AFG3L2: variants seen among roughly 807,000 people sequenced by gnomAD.
The protein encoded by AFG3L2 is AFG3 like matrix AAA peptidase subunit 2, also known as mitochondrial inner membrane m-AAA protease component AFG3L2.
Under a neutral mutation model 94.5 loss-of-function variants are expected in AFG3L2, and 54 were observed. The ratio of observed to expected loss-of-function variants is 0.57; its 90% CI spans 0.46 to 0.72. AFG3L2 has a LOEUF of 0.72. AFG3L2 is among the 30% of genes least tolerant of loss of function. The pLI is 0.00. For synonymous variants in AFG3L2, 377 were observed against 365.5 expected, an observed-to-expected ratio of 1.03 and a Z score of -0.36; for missense variants, 754 against 994.9, an observed-to-expected ratio of 0.76 and a Z score of 3.26.
rs118085375 is a variant in AFG3L2 at position 12,338,636 on chromosome 18, T to A, written c.1981-1101A>T. Reference sequence around the variant, plus strand: ...ATACAGTCAGAAAAGCTCCTAGACCTCCTCCCACCTAAGAGAGCAGCAGAA... The same window carrying A: ...ATACAGTCAGAAAAGCTCCTAGACCACCTCCCACCTAAGAGAGCAGCAGAA... On this transcript the variant is annotated intron_variant, in intron 15 of 16. Transcript: ENST00000269143. Among the ~76,000 whole-genome samples the A allele has an allele frequency of 8.2e-3, 1,250 of 151,876 alleles. 12 individuals are homozygous for A. The highest frequency in any genetic ancestry group is 0.012 in the African/African-American group (511 of 41,378).
chr18:12,347,619 C>T (rs1209736922), intron 13 of AFG3L2, among the ~76,000 whole-genome samples: 2 of 151,420 alleles, frequency 1.3e-5, no homozygotes, highest in Non-Finnish European at 1.5e-5. Context: ...GGCACGATCT[C>T]GGCTCACCAT....
At chr18:12,364,546 G>A (rs1908751356) in intron 5 of AFG3L2, among the ~76,000 whole-genome samples, 1 of 152,108 alleles carries the variant, frequency 6.6e-6, no homozygotes, top group African/African-American at 2.4e-5. Flanking sequence ...TTGCTCTATA[G>A]GACATAGCCT....
chr18:12,364,135 C>T (rs779582286), intron 5 of AFG3L2, among the ~76,000 whole-genome samples: 2 of 152,206 alleles, frequency 1.3e-5, no homozygotes, highest in Non-Finnish European at 2.9e-5. Context: ...TGCACATTCC[C>T]TTCTGCCTGT....
intron 6 of AFG3L2, among the ~76,000 whole-genome samples, chr18:12,362,953 A>T (rs9956171): frequency 6.6e-6 from 1 of 152,126 alleles, no homozygotes; most frequent in African/African-American, 2.4e-5. Flanking sequence ...CTGAGGATAA[A>T]GCACGGTTAT....
At chr18:12,345,077 G>A (rs1347748506) in intron 13 of AFG3L2, among the ~76,000 whole-genome samples, 1 of 152,216 alleles carries the variant, frequency 6.6e-6, no homozygotes, top group African/African-American at 2.4e-5. Flanking sequence ...CAGGCAGCCA[G>A]TTCAACACCC....
intron 9 of AFG3L2, among the ~76,000 whole-genome samples, chr18:12,353,916 C>T (rs1286119008): frequency 2.0e-5 from 3 of 152,166 alleles, no homozygotes; most frequent in Non-Finnish European, 2.9e-5. Flanking sequence ...CACACATATA[C>T]AGTGAAGCCA....
chr18:12,341,164 C>A (rs1907941424), intron 14 of AFG3L2: 1 of 152,192 alleles, frequency 6.6e-6, no homozygotes, highest in African/African-American at 2.4e-5. Context: ...TGCTGTCGGA[C>A]GTGGCCACAC....
At chr18:12,337,052 G>A in intron 16 of AFG3L2, 1 of 597,786 alleles carries the variant, frequency 1.7e-6, no homozygotes, top group South Asian at 2.1e-5. Context: ...GAACTATCTG[G>A]TGAGGGAGAG....
intron 9 of AFG3L2, among the ~76,000 whole-genome samples, chr18:12,355,595 T>C (rs1568141239): frequency 6.6e-6 from 1 of 152,084 alleles, no homozygotes; most frequent in South Asian, 2.1e-4. Flanking sequence ...AAACCACATA[T>C]TGTATAATTT....
intron 3 of AFG3L2, 104 bp from the exon 4 acceptor site, chr18:12,367,486 C>G: frequency 2.9e-6 from 3 of 1,029,610 alleles, no homozygotes; most frequent in Non-Finnish European, 4.5e-6. Context: ...GCAGAATACA[C>G]TGTGGCAACT....
At chr18:12,342,001 G>A (rs1598823980) in intron 14 of AFG3L2, 1 of 152,098 alleles carries the variant, frequency 6.6e-6, no homozygotes, top group Non-Finnish European at 1.5e-5. Flanking sequence ...TGAGTAGCTG[G>A]GATTATAGGC....
rs1907904628 is a variant in AFG3L2 at position 12,340,246 on chromosome 18, A to T, written c.1935T>A (p.Gly645=). 6.2e-7 allele frequency: 1 copy of T among 1,614,050 alleles called. No individual in the cohort carries two copies. Among genetic ancestry groups the T allele is most frequent in the Admixed American group, 1.7e-5 (1 of 60,002 alleles). Residue 645 remains glycine (G), a synonymous_variant, in exon 15 of 17, where the codon GGT becomes GGA. Coordinates refer to ENST00000269143, the MANE Select transcript of AFG3L2 (RefSeq NM_006796.3). The part of the protein sequence containing the change: ...EEIFFGRITT[G]AQDDLRKVTQ... Reference sequence around the variant, plus strand: ...TTACTTTTCTCAAGTCATCTTGAGCACCAGTTGTAATTCTTCCAAAGAAGA... The same window carrying T: ...TTACTTTTCTCAAGTCATCTTGAGCTCCAGTTGTAATTCTTCCAAAGAAGA...
chr18:12,353,258 T>C (rs1299535617), intron 9 of AFG3L2, 100 bp from the exon 10 acceptor site: 3 of 1,434,108 alleles, frequency 2.1e-6, no homozygotes, highest in Non-Finnish European at 2.9e-6. Flanking sequence ...CTCATGCCTG[T>C]AATCCCAGCA....
Position 12,329,175 on chromosome 18 carries a change from C to A in AFG3L2, c.*390G>T, listed in dbSNP as rs1907428727. On this transcript the variant is annotated 3_prime_UTR_variant, in exon 17 of 17. Transcript: ENST00000269143. ...TCTGCACAGGGGAACTGAGGAGAAA[C>A]AGGAATGAAGAGTGGGCGACAAAGA... The A allele has an allele frequency of 2.8e-6, 2 of 702,880 alleles. No individual in the cohort carries two copies. The highest frequency in any genetic ancestry group is 2.0e-5 in the Admixed American group (1 of 50,000). The allele number at this position is 702,880 out of a possible 1,614,324, so 43.5% of individuals were successfully genotyped here. A position where few individuals can be genotyped will look rare whatever the true frequency, so the allele number is the denominator to read the frequency against.
At chr18:12,372,563 C>CT (rs1598840768) in intron 1 of AFG3L2, among the ~76,000 whole-genome samples, 1 of 152,304 alleles carries the variant, frequency 6.6e-6, no homozygotes, top group East Asian at 1.9e-4. Context: ...GCTGAAAACA[C>CT]ATGTCCACGA....
chr18:12,344,074 T>A, intron 14 of AFG3L2, 58 bp downstream of exon 14: 1 of 1,424,658 alleles, frequency 7.0e-7, no homozygotes. Context: ...CTTGAGTGAC[T>A]GCAGCGAGCA....
At chr18:12,370,054 CAAAAAA>C (rs796293157) in intron 3 of AFG3L2, among the ~76,000 whole-genome samples, 1 of 36,004 alleles carries the variant, frequency 2.8e-5, no homozygotes, top group African/African-American at 6.9e-5. Flanking sequence ...GACTCTGTCT[CAAAAAA>C]AAAAAAAAAA....
At chr18:12,333,296 ATATATAT>A (rs915723481) in intron 16 of AFG3L2, among the ~76,000 whole-genome samples, 4 of 130,870 alleles carry the variant, frequency 3.1e-5, no homozygotes, top group African/African-American at 8.7e-5. Flanking sequence ...TAATATATAA[ATATATAT>A]TATATATTAT....
chr18:12,343,636 T>C (rs1908026055), intron 14 of AFG3L2: 1 of 180,068 alleles, frequency 5.6e-6, no homozygotes, highest in Admixed American at 5.4e-5. Context: ...TGTGCATGTG[T>C]AGTTTAGTTG....
Sources: gnomAD v4.1 joint callset for allele counts (sites outside exome capture counted in the v4.1 genomes callset) on GRCh38, gnomAD v4.1.1 for gene constraint, MANE v1.5 for transcripts, NCBI Gene and HGNC (gene_info 2026-07-23, HGNC 2026-07-21) for gene names.